The following CUL2 variants were observed in gnomAD, a reference collection of about 807,000 sequenced individuals.
CUL2 encodes cullin 2.
Under a neutral mutation model 110.2 loss-of-function variants are expected in CUL2, and 22 were observed. The observed-to-expected ratio is 0.20, with a 90% CI of 0.14 to 0.28. The LOEUF (loss-of-function observed/expected upper bound fraction) is 0.28. Ranked by LOEUF, CUL2 falls within the 10% of genes least tolerant of loss-of-function variation. CUL2 has a pLI of 1.00. For missense variants in CUL2, 631 were observed against 905.5 expected, an observed-to-expected ratio of 0.70 and a Z score of 3.89; for synonymous variants, 279 against 293.2, an observed-to-expected ratio of 0.95 and a Z score of 0.49.
In CUL2 at chr10:35,035,252, A is replaced by C; in HGVS notation, c.922T>G (p.Leu308Val). 3.1e-6 allele frequency: 5 copies of C among 1,614,200 alleles called. No individual in the cohort carries two copies. The highest frequency in any genetic ancestry group is 4.2e-6 in the Non-Finnish European group (5 of 1,180,014). Reference sequence around the variant, plus strand: ...TGCAGCTCCTGAATCATATGAGGTAAACCAGTGGACACAGCACGGAGTAAG... The same window carrying C: ...TGCAGCTCCTGAATCATATGAGGTACACCAGTGGACACAGCACGGAGTAAG... ...YVLLRAVSTG[L>V]PHMIQELQNH... The change falls in exon 10 of 21, where the codon TTA becomes GTA. Residue 308 changes from leucine (L) to valine (V), a missense_variant. This residue lies in a region of CUL2 where 338 missense variants were observed against 442.5 expected (regional missense o/e 0.76). Transcript: ENST00000374749.
chr10:35,031,665 T>A lies in CUL2; in HGVS notation c.1171-46A>T. The A allele has an allele frequency of 6.2e-7, 1 of 1,604,996 alleles. No individual in the cohort carries two copies. Among genetic ancestry groups the A allele is most frequent in the East Asian group, 2.2e-5 (1 of 44,754 alleles). On this transcript the variant is annotated intron_variant, in intron 12 of 20. Transcript: ENST00000374749. This position sits in a 1 kb window ranked among gnomAD's most constrained non-coding sequence, Gnocchi z 4.4. ...AAATCTTACAAAGGGTGCTTCTGTA[T>A]ATATCACGCCTCAAAGGAGGCAAAG...
intron 17 of CUL2, among the ~76,000 whole-genome samples, chr10:35,020,646 T>C (rs2085158464): frequency 1.3e-5 from 2 of 152,214 alleles, no homozygotes; most frequent in Admixed American, 6.5e-5. Context: ...TTTCAGCAAC[T>C]GACCAGCAAT....
chr10:35,104,485 C>A (rs1051880079), intron 1 of CUL2, among the ~76,000 whole-genome samples: 3 of 152,012 alleles, frequency 2.0e-5, no homozygotes, highest in Non-Finnish European at 4.4e-5. Flanking sequence ...TGGTCTCCTT[C>A]CCTTTTCTCT....
chr10:35,034,708 G>A (rs2244100), intron 10 of CUL2, among the ~76,000 whole-genome samples: 90,792 of 151,976 alleles, frequency 0.6, 27,726 homozygotes, highest in East Asian at 0.68. Flanking sequence ...TTATTGTTTT[G>A]GGTATTTGGG....
At chr10:35,026,019 A>G (rs112030411) in intron 16 of CUL2, among the ~76,000 whole-genome samples, 6,182 of 152,286 alleles carry the variant, frequency 0.041, 402 homozygotes, top group African/African-American at 0.14. Flanking sequence ...GCAGTCAGCA[A>G]TGACTGACCT....
chr10:35,104,107 CAT>C (rs1356401333), intron 1 of CUL2, among the ~76,000 whole-genome samples: 5 of 152,290 alleles, frequency 3.3e-5, no homozygotes, highest in Middle Eastern at 3.4e-3. Flanking sequence ...TAAGCATACA[CAT>C]GTGCGCACAC....
At chr10:35,114,221 C>T (rs1341799670) in intron 1 of CUL2, among the ~76,000 whole-genome samples, 1 of 150,638 alleles carries the variant, frequency 6.6e-6, no homozygotes, top group African/African-American at 2.4e-5. Context: ...CGCACCTGGC[C>T]CCGTATTTTT....
intron 14 of CUL2, among the ~76,000 whole-genome samples, chr10:35,030,287 T>C (rs896619735): frequency 3.2e-4 from 49 of 152,248 alleles, no homozygotes; most frequent in African/African-American, 9.9e-4. Flanking sequence ...AAGAAAACTA[T>C]TTCTTTAAAA....
At chr10:35,103,308 A>AT (rs67257350) in intron 1 of CUL2, among the ~76,000 whole-genome samples, 48,920 of 94,336 alleles carry the variant, frequency 0.52, 13,292 homozygotes, top group South Asian at 0.62. Context: ...GGCCAAGCTA[A>AT]TTTTTTTTTT....
intron 8 of CUL2, among the ~76,000 whole-genome samples, chr10:35,044,290 T>C (rs1448019439): frequency 6.6e-6 from 1 of 152,146 alleles, no homozygotes; most frequent in African/African-American, 2.4e-5. Flanking sequence ...CTGCCAAGAA[T>C]GTGCATATAT....
chr10:35,081,049 A>T (rs1207299263), intron 1 of CUL2, among the ~76,000 whole-genome samples: 2 of 151,388 alleles, frequency 1.3e-5, no homozygotes, highest in East Asian at 1.9e-4. Context: ...CCTGGTCTTT[A>T]AAAAAAAATA....
intron 2 of CUL2, among the ~76,000 whole-genome samples, chr10:35,067,660 C>G (rs2086568939): frequency 6.6e-6 from 1 of 151,572 alleles, no homozygotes; most frequent in Non-Finnish European, 1.5e-5. Flanking sequence ...ATGAGAATCA[C>G]TTAAACCCAG....
intron 4 of CUL2, among the ~76,000 whole-genome samples, chr10:35,057,275 T>C (rs959688786): frequency 2.2e-4 from 34 of 152,326 alleles, no homozygotes; most frequent in African/African-American, 7.9e-4. Context: ...CCTCACAGAA[T>C]AAAATTTAAA....
intron 1 of CUL2, among the ~76,000 whole-genome samples, chr10:35,104,932 T>A (rs1177605953): frequency 6.6e-6 from 1 of 151,784 alleles, no homozygotes; most frequent in Non-Finnish European, 1.5e-5. Context: ...TTTCTCCATG[T>A]TGGTCAGGCT....
At chr10:35,029,679 A>G in intron 14 of CUL2, 39 bp from the exon 15 acceptor site, 1 of 1,454,898 alleles carries the variant, frequency 6.9e-7, no homozygotes, top group Non-Finnish European at 9.3e-7. Context: ...ATTCAAAAGA[A>G]AAATAATAAG....
intron 8 of CUL2, among the ~76,000 whole-genome samples, chr10:35,039,918 C>T (rs892036619): frequency 6.6e-6 from 1 of 151,946 alleles, no homozygotes; most frequent in Non-Finnish European, 1.5e-5. Flanking sequence ...TTTGGGAGGC[C>T]GAGGTGGGTG....
intron 1 of CUL2, among the ~76,000 whole-genome samples, chr10:35,114,075 T>A (rs2087558702): frequency 1.4e-5 from 2 of 142,798 alleles, no homozygotes; most frequent in South Asian, 4.5e-4. Flanking sequence ...ACCTGGCTAA[T>A]TTTTGGGTTT....
chr10:35,074,224 C>T (rs1262265614), intron 1 of CUL2: 1 of 1,535,040 alleles, frequency 6.5e-7, no homozygotes, highest in Non-Finnish European at 8.7e-7. Flanking sequence ...TTACTCTGTA[C>T]ATAAAGTACA....
chr10:35,024,503 C>CA (rs895349918), intron 17 of CUL2, among the ~76,000 whole-genome samples: 2 of 151,914 alleles, frequency 1.3e-5, no homozygotes, highest in South Asian at 2.1e-4. Context: ...CATAGTTTAG[C>CA]AAAAAAAGAG....
Sources: allele counts gnomAD v4.1 joint callset (sites outside exome capture counted in the v4.1 genomes callset), GRCh38; gene constraint gnomAD v4.1.1; regional missense constraint gnomAD v4.1.1; non-coding constraint Gnocchi (gnomAD v3.1); transcripts MANE v1.5; gene names NCBI Gene and HGNC (gene_info 2026-07-23, HGNC 2026-07-21).